The following AP4S1 variants were observed in gnomAD, a reference collection of about 807,000 sequenced individuals.
The protein encoded by AP4S1 is adaptor related protein complex 4 subunit sigma 1.
Under a neutral mutation model 19.8 loss-of-function variants are expected in AP4S1, and 23 were observed. That is an observed-to-expected ratio of 1.16 (90% CI 0.84 to 1.65). AP4S1 has a LOEUF of 1.65. AP4S1 is among the 40% of genes most tolerant of loss of function. AP4S1 has a pLI of 0.00. For missense variants in AP4S1, 166 were observed against 172.8 expected (o/e 0.96, Z 0.22); for synonymous variants, 46 against 54.1 (o/e 0.85, Z 0.66).
At chr14:31,077,776 G>A (rs1477598135) in intron 4 of AP4S1, among the ~76,000 whole-genome samples, 2 of 138,138 alleles carry the variant, frequency 1.4e-5, no homozygotes, top group South Asian at 4.5e-4. Context: ...TCGCTCTGTC[G>A]CCAGGCTGGA....
At chr14:31,080,445 A>C (rs1887577445) in intron 4 of AP4S1, 128 bp from the exon 5 acceptor site, 2 of 769,716 alleles carry the variant, frequency 2.6e-6, no homozygotes, top group Non-Finnish European at 4.5e-6. Context: ...TGCTGTGGCC[A>C]CCAAGCCCAG....
At chr14:31,056,880 T>A (rs547042547) in intron 1 of AP4S1, among the ~76,000 whole-genome samples, 1 of 152,236 alleles carries the variant, frequency 6.6e-6, no homozygotes, top group Admixed American at 6.5e-5. Context: ...AGTTCAAGAC[T>A]AGACTGGGCA....
chr14:31,026,150 C>A (rs755804944), intron 1 of AP4S1: 1 of 1,488,214 alleles, frequency 6.7e-7, no homozygotes, highest in East Asian at 2.8e-5. Context: ...CCGCCATCCC[C>A]GGGCCGCCAC....
intron 1 of AP4S1, among the ~76,000 whole-genome samples, chr14:31,050,671 CT>C (rs1885739373): frequency 6.6e-6 from 1 of 152,100 alleles, no homozygotes; most frequent in African/African-American, 2.4e-5. Context: ...CCCATCTCCC[CT>C]AATGTTATCC....
rs973083949 is a variant in AP4S1 at position 31,092,779 on chromosome 14, A to T, written c.307-128A>T. 3 of 663,788 alleles carry T rather than the reference A, an allele frequency of 4.5e-6. No homozygotes were observed. In the African/African-American group the frequency reaches 5.7e-5, roughly 13 times the overall value. The allele number at this position is 663,788 out of a possible 1,614,324, so 41.1% of individuals were successfully genotyped here. On this transcript the variant is annotated intron_variant, in intron 5 of 5. Coordinates refer to ENST00000542754, the MANE Select transcript of AP4S1 (RefSeq NM_001128126.3). ...GGATGCCAGTTTTAAATTTAATTTC[A>T]GAAATTTTGTACAAAAAACCTCATG...
chr14:31,051,184 G>A (rs563435356), intron 1 of AP4S1, among the ~76,000 whole-genome samples: 12 of 151,540 alleles, frequency 7.9e-5, no homozygotes, highest in African/African-American at 2.7e-4. Context: ...TGAGCCCAGG[G>A]AGTCAAGGCT....
intron 5 of AP4S1, among the ~76,000 whole-genome samples, chr14:31,081,081 T>C (rs1205142264): frequency 6.6e-6 from 1 of 152,138 alleles, no homozygotes; most frequent in Non-Finnish European, 1.5e-5. Flanking sequence ...CGTGAACCAC[T>C]GCGCCTGGCA....
chr14:31,061,647 A>ATT (rs576411455), intron 1 of AP4S1, among the ~76,000 whole-genome samples: 11 of 146,220 alleles, frequency 7.5e-5, no homozygotes, highest in East Asian at 2.0e-4. Context: ...ATTAAAATCA[A>ATT]TTTTTTTTTT....
At chr14:31,084,640 C>T in intron 5 of AP4S1, 4 of 1,465,610 alleles carry the variant, frequency 2.7e-6, no homozygotes, top group African/African-American at 2.8e-5. Flanking sequence ...AGTTCCACTC[C>T]ACCCGCCCGG....
At chr14:31,062,949 A>G (rs1158879536) in intron 1 of AP4S1, among the ~76,000 whole-genome samples, 1 of 151,690 alleles carries the variant, frequency 6.6e-6, no homozygotes, top group African/African-American at 2.4e-5. Flanking sequence ...CCTGGGGGAC[A>G]GAGCACGAGA....
At chr14:31,083,382 A>G in intron 5 of AP4S1, 1 of 433,492 alleles carries the variant, frequency 2.3e-6, no homozygotes, top group Admixed American at 2.7e-5. Context: ...AAGTCTTTCT[A>G]GACCTGGAAT....
At chr14:31,074,093 G>A (rs1032696676) in intron 4 of AP4S1, among the ~76,000 whole-genome samples, 18 of 151,854 alleles carry the variant, frequency 1.2e-4, no homozygotes, top group African/African-American at 3.6e-4. Context: ...TTGGGAGGCC[G>A]AGGTGGGTAG....
At chr14:31,078,475 C>G (rs1368737693) in intron 4 of AP4S1, among the ~76,000 whole-genome samples, 1 of 152,058 alleles carries the variant, frequency 6.6e-6, no homozygotes, top group Non-Finnish European at 1.5e-5. Flanking sequence ...GATGACCACT[C>G]TCTTGTTTAG....
intron 3 of AP4S1, among the ~76,000 whole-genome samples, chr14:31,071,183 C>G (rs190074567): frequency 6.6e-6 from 1 of 152,158 alleles, no homozygotes; most frequent in Non-Finnish European, 1.5e-5. Context: ...CACTTATGGC[C>G]ATGGAATCCC....
chr14:31,038,988 A>G (rs1463548004), intron 1 of AP4S1, among the ~76,000 whole-genome samples: 2 of 88,410 alleles, frequency 2.3e-5, no homozygotes, highest in Non-Finnish European at 5.2e-5. Flanking sequence ...TTTTAAATGT[A>G]GAGGTTTTTT....
intron 1 of AP4S1, among the ~76,000 whole-genome samples, chr14:31,054,033 G>A (rs1227042858): frequency 6.6e-6 from 1 of 152,070 alleles, no homozygotes; most frequent in Non-Finnish European, 1.5e-5. Flanking sequence ...GAATACTTAT[G>A]TGACTTTTTT....
At chr14:31,066,513 A>C (rs1358026727) in intron 2 of AP4S1, among the ~76,000 whole-genome samples, 179 bp downstream of exon 2, 1 of 152,230 alleles carries the variant, frequency 6.6e-6, no homozygotes, top group East Asian at 1.9e-4. Flanking sequence ...CATCCCTTTA[A>C]GAAAACAAAA....
At chr14:31,092,111 C>G (rs772285980) in intron 5 of AP4S1, among the ~76,000 whole-genome samples, 3 of 152,200 alleles carry the variant, frequency 2.0e-5, no homozygotes, top group Non-Finnish European at 4.4e-5. Context: ...ACCTGTAAGC[C>G]AAAGTGGCTC....
In AP4S1 at chr14:31,070,031, T is replaced by C. The variant is rs1394933715; in HGVS notation, c.225+102T>C. ...ATTTTTTTTAGACAGAATTTTGCCCTGTCACCAGTCTGGAGTGCCGTGGCA... is the reference window on the plus strand; with the variant it reads ...ATTTTTTTTAGACAGAATTTTGCCCCGTCACCAGTCTGGAGTGCCGTGGCA... On this transcript the variant is annotated intron_variant, in intron 3 of 5. Transcript: ENST00000542754. 4 of 1,014,370 alleles carry C rather than the reference T, an allele frequency of 3.9e-6. No homozygotes were observed. The African/African-American group carries it at 6.3e-5, about 16-fold the overall frequency. The allele number at this position is 1,014,370 out of a possible 1,614,324, so 62.8% of individuals were successfully genotyped here.
Sources: allele counts gnomAD v4.1 joint callset (sites outside exome capture counted in the v4.1 genomes callset), GRCh38; gene constraint gnomAD v4.1.1; transcripts MANE v1.5; gene names NCBI Gene and HGNC (gene_info 2026-07-23, HGNC 2026-07-21).